RAB2A: variants seen among roughly 807,000 people sequenced by gnomAD.
RAB2A encodes the protein RAB2A, member RAS oncogene family.
Under a neutral mutation model 32.5 loss-of-function variants are expected in RAB2A, and 7 were observed. The observed-to-expected ratio is 0.22, with a 90% CI of 0.12 to 0.40. The LOEUF (loss-of-function observed/expected upper bound fraction) is 0.40. Among genes scored for constraint, RAB2A ranks in the 10% least tolerant of loss-of-function variants. The pLI is 1.00. For synonymous variants in RAB2A, 79 were observed against 85.2 expected, an observed-to-expected ratio of 0.93 and a Z score of 0.40; for missense variants, 108 against 260.7, an observed-to-expected ratio of 0.41 and a Z score of 4.03.
intron 1 of RAB2A, among the ~76,000 whole-genome samples, chr8:60,518,550 G>C (rs935155592): frequency 1.4e-5 from 2 of 143,496 alleles, no homozygotes; most frequent in East Asian, 4.0e-4. Flanking sequence ...CAGCCACTTG[G>C]GAGGCTGAGG....
At chr8:60,614,032 T>G (rs1804405766) in intron 6 of RAB2A, among the ~76,000 whole-genome samples, 1 of 152,182 alleles carries the variant, frequency 6.6e-6, no homozygotes, top group South Asian at 2.1e-4. Flanking sequence ...TGCCACCAGG[T>G]GGCAGCATGT....
intron 6 of RAB2A, 33 bp from the exon 7 acceptor site, chr8:60,618,547 T>G: frequency 1.8e-6 from 2 of 1,090,598 alleles, no homozygotes; most frequent in Non-Finnish European, 2.5e-6. Context: ...GCTTTGGTTT[T>G]ATATAATATG....
chr8:60,517,036 G>A lies in RAB2A; in HGVS notation c.-172G>A. On this transcript the variant is annotated 5_prime_UTR_variant, in exon 1 of 8. Transcript: ENST00000262646. Reference sequence around the variant, plus strand: ...CGCTGTCTCCCTCGGCTCTGCGGGTGTCAGTTCGTCCGGCTTCCTCACAGC... The same window carrying A: ...CGCTGTCTCCCTCGGCTCTGCGGGTATCAGTTCGTCCGGCTTCCTCACAGC... The A allele has an allele frequency of 5.4e-6, 3 of 552,676 alleles. No homozygotes were observed. The highest frequency in any genetic ancestry group is 3.5e-5 in the East Asian group (1 of 28,406). 34.2% of individuals were successfully genotyped at this position (552,676 alleles called of 1,614,324 possible). A position where few individuals can be genotyped will look rare whatever the true frequency, so the allele number is the denominator to read the frequency against.
chr8:60,529,456 G>C (rs562897102), intron 1 of RAB2A, among the ~76,000 whole-genome samples: 2 of 152,108 alleles, frequency 1.3e-5, no homozygotes, highest in East Asian at 3.8e-4. Flanking sequence ...CCCTCCCCGC[G>C]TGAATTTGGG....
chr8:60,535,190 G>A (rs1586066641), intron 1 of RAB2A, among the ~76,000 whole-genome samples: 2 of 152,100 alleles, frequency 1.3e-5, no homozygotes, highest in Admixed American at 6.5e-5. Flanking sequence ...TTATCAGATT[G>A]ACATTTAAAG....
intron 1 of RAB2A, among the ~76,000 whole-genome samples, chr8:60,517,667 C>T (rs1374733501): frequency 1.3e-5 from 2 of 152,144 alleles, no homozygotes; most frequent in East Asian, 1.9e-4. Context: ...TGTTGGGGCC[C>T]GGGTCTTGGT....
intron 1 of RAB2A, among the ~76,000 whole-genome samples, chr8:60,529,973 G>C (rs1269626655): frequency 1.3e-5 from 2 of 151,882 alleles, no homozygotes; most frequent in Non-Finnish European, 2.9e-5. Context: ...TTCTGGTTCT[G>C]TGTCACCTTT....
At chr8:60,613,574 A>G (rs1312401968) in intron 6 of RAB2A, among the ~76,000 whole-genome samples, 1 of 152,220 alleles carries the variant, frequency 6.6e-6, no homozygotes, top group Non-Finnish European at 1.5e-5. Flanking sequence ...AGAGCAACAC[A>G]GCTGGTAAGA....
chr8:60,580,281 C>G (rs1803722197), intron 3 of RAB2A, among the ~76,000 whole-genome samples: 1 of 152,156 alleles, frequency 6.6e-6, no homozygotes, highest in African/African-American at 2.4e-5. Flanking sequence ...AGGCGTGAGC[C>G]ACTGCGACCA....
intron 6 of RAB2A, among the ~76,000 whole-genome samples, chr8:60,616,740 A>C (rs546735614): frequency 1.3e-5 from 2 of 152,186 alleles, no homozygotes; most frequent in Non-Finnish European, 2.9e-5. Context: ...TCAGCCACTT[A>C]GAGTTTATGC....
At chr8:60,586,494 G>C (rs1188761031) in intron 5 of RAB2A, among the ~76,000 whole-genome samples, 1 of 151,830 alleles carries the variant, frequency 6.6e-6, no homozygotes, top group African/African-American at 2.4e-5. Flanking sequence ...TATCAGGAAA[G>C]AAAGGTTGAC....
At chr8:60,576,235 G>C (rs988777089) in intron 3 of RAB2A, 35 of 456,066 alleles carry the variant, frequency 7.7e-5, no homozygotes, top group African/African-American at 6.6e-4. Context: ...TTCTGCCAGG[G>C]GAAGTCAAAG....
intron 6 of RAB2A, among the ~76,000 whole-genome samples, chr8:60,597,002 G>C (rs1157822224): frequency 6.6e-6 from 1 of 152,160 alleles, no homozygotes; most frequent in Non-Finnish European, 1.5e-5. Context: ...TGGCGGGAGG[G>C]TAATTCAGTT....
chr8:60,537,340 G>C (rs6471890), intron 1 of RAB2A, among the ~76,000 whole-genome samples: 22,507 of 152,054 alleles, frequency 0.15, 1,797 homozygotes, highest in East Asian at 0.26. Flanking sequence ...TCGTGCCCCA[G>C]CCTCCCAAGT....
At chr8:60,570,936 T>C (rs1431554085) in intron 2 of RAB2A, among the ~76,000 whole-genome samples, 1 of 152,216 alleles carries the variant, frequency 6.6e-6, no homozygotes. Context: ...TCTGACAGGA[T>C]GACATTTGGT....
intron 2 of RAB2A, among the ~76,000 whole-genome samples, chr8:60,569,704 G>A (rs7831316): frequency 0.038 from 5,764 of 152,000 alleles, 329 homozygotes; most frequent in African/African-American, 0.13. Context: ...ATGGAGACTG[G>A]GTCTCCCTAC....
At position 60,543,661 on chromosome 8, in the gene RAB2A, A is replaced by G. The variant is rs112692221; in HGVS notation, c.47-15191A>G. Among the ~76,000 whole-genome samples, 611 of 152,304 alleles carry G rather than the reference A, an allele frequency of 4.0e-3. 8 individuals carry two copies. The highest frequency in any genetic ancestry group is 0.014 in the African/African-American group (590 of 41,568). ...TCAATTTACTACAGTAAACCGCCAG[A>G]GAGTATGTAGCTGATGAAATGGAGG... On this transcript the variant is annotated intron_variant, in intron 1 of 7. Coordinates refer to ENST00000262646, the MANE Select transcript of RAB2A (RefSeq NM_002865.3).
At chr8:60,556,377 C>T (rs947629388) in intron 1 of RAB2A, among the ~76,000 whole-genome samples, 1 of 151,804 alleles carries the variant, frequency 6.6e-6, no homozygotes, top group Non-Finnish European at 1.5e-5. Flanking sequence ...ACCAACATAA[C>T]AAAAAATGAT....
intron 6 of RAB2A, among the ~76,000 whole-genome samples, chr8:60,601,456 G>A (rs1804133713): frequency 1.3e-5 from 2 of 151,982 alleles, no homozygotes; most frequent in Middle Eastern, 3.2e-3. Flanking sequence ...TCCCACCTCA[G>A]CCTCCTGAGT....
Sources: gnomAD v4.1 joint callset for allele counts (sites outside exome capture counted in the v4.1 genomes callset) on GRCh38, gnomAD v4.1.1 for gene constraint, MANE v1.5 for transcripts, NCBI Gene and HGNC (gene_info 2026-07-23, HGNC 2026-07-21) for gene names.